Variants in TRIM5 observed in about 807,000 individuals in gnomAD.
TRIM5 encodes the protein tripartite motif-containing protein 5.
TRIM5 carries 31 observed loss-of-function variants against 35.6 expected under a neutral mutation model. The observed-to-expected ratio is 0.87, with a 90% confidence interval of 0.65 to 1.18. TRIM5 has a LOEUF of 1.18. Ranked by LOEUF, TRIM5 falls within the 50% of genes most tolerant of loss-of-function variation. TRIM5 has a pLI of 0.00. For missense variants in TRIM5, 609 were observed against 591.6 expected (o/e 1.03, Z -0.31); for synonymous variants, 243 against 215.6 (o/e 1.13, Z -1.11).
the TRIM5 span, among the ~76,000 whole-genome samples, chr11:5,657,752 A>G: frequency 2.7e-4 from 39 of 141,902 alleles, 2 homozygotes; most frequent in East Asian, 3.5e-3. Context: ...AATAGCTGGG[A>G]CTACAGGCCT....
the TRIM5 span, among the ~76,000 whole-genome samples, chr11:5,651,593 G>C: frequency 2.0e-5 from 3 of 152,264 alleles, no homozygotes; most frequent in East Asian, 3.9e-4. Context: ...GAATGGTGCT[G>C]TGATGAATGT....
the TRIM5 span, among the ~76,000 whole-genome samples, chr11:5,615,639 G>A: frequency 4.0e-5 from 6 of 151,860 alleles, no homozygotes; most frequent in African/African-American, 1.4e-4. Flanking sequence ...TGTCATCCAG[G>A]CTGGAGTGCA....
At chr11:5,666,240 A>G in intron 5 of TRIM5, 159 bp from the exon 6 acceptor site, 1 of 696,334 alleles carries the variant, frequency 1.4e-6, no homozygotes, top group Non-Finnish European at 2.6e-6. Flanking sequence ...GGAGGCAAAC[A>G]AAATGTTCTC....
chr11:5,683,435 A>G (rs1852703780), intron 1 of TRIM5, among the ~76,000 whole-genome samples: 1 of 152,098 alleles, frequency 6.6e-6, no homozygotes, highest in Non-Finnish European at 1.5e-5. Context: ...ACCAATCAGC[A>G]CCCTGTGTCT....
intron 1 of TRIM5, among the ~76,000 whole-genome samples, chr11:5,681,057 G>C (rs1168034536): frequency 6.6e-6 from 1 of 152,186 alleles, no homozygotes; most frequent in Non-Finnish European, 1.5e-5. Flanking sequence ...CTGAAAGTTT[G>C]CCAAGGACAT....
chr11:5,593,710 T>C, the TRIM5 span, among the ~76,000 whole-genome samples: 1 of 152,216 alleles, frequency 6.6e-6, no homozygotes, highest in East Asian at 1.9e-4. Flanking sequence ...GTATTTAATA[T>C]TGAGTATTGT....
At chr11:5,594,457 G>A in the TRIM5 span, among the ~76,000 whole-genome samples, 82 of 152,146 alleles carry the variant, frequency 5.4e-4, 1 homozygote, top group South Asian at 2.7e-3. Context: ...CTACAGGCAC[G>A]TACCGCTATG....
chr11:5,629,592 G>A, the TRIM5 span, among the ~76,000 whole-genome samples: 2 of 152,148 alleles, frequency 1.3e-5, no homozygotes, highest in Non-Finnish European at 2.9e-5. Flanking sequence ...AGCAATAATT[G>A]CAGGTTTGTT....
At chr11:5,590,925 G>T in the TRIM5 span, 1 of 159,914 alleles carries the variant, frequency 6.3e-6, no homozygotes, top group South Asian at 2.0e-4. Context: ...ACAAACTCTG[G>T]ACACGCAGTC....
intron 4 of TRIM5, among the ~76,000 whole-genome samples, chr11:5,671,304 T>TAAA (rs5789423): frequency 2.5e-4 from 35 of 141,796 alleles, no homozygotes; most frequent in South Asian, 8.6e-4. Context: ...TCAGGGGGAT[T>TAAA]AAAAAAAAAA....
At chr11:5,670,953 G>A (rs1412678818) in intron 4 of TRIM5, among the ~76,000 whole-genome samples, 4 of 152,126 alleles carry the variant, frequency 2.6e-5, no homozygotes, top group African/African-American at 9.7e-5. Context: ...TAACAAAAAT[G>A]TATGTTTTGG....
the TRIM5 span, among the ~76,000 whole-genome samples, chr11:5,647,421 C>G: frequency 1.3e-5 from 2 of 152,128 alleles, no homozygotes; most frequent in African/African-American, 4.8e-5. Flanking sequence ...AAGGAAGGAT[C>G]TGTTCTCTTC....
In TRIM5 at chr11:5,678,341, G is replaced by A. The variant is rs767203566; in HGVS notation, c.607C>T (p.Leu203=). The A allele has an allele frequency of 6.2e-7, 1 of 1,613,772 alleles. No homozygotes were observed. Among genetic ancestry groups the A allele is most frequent in the Admixed American group, 1.7e-5 (1 of 59,982 alleles). ...AGAATGTCTTCCTCCTCCTTCTCCA[G>A]GTTTTGCAGCTCATTGCTCTCCTCC... ...DWEESNELQN[L]EKEEEDILKS... is the part of the protein sequence containing the mutation. Residue 203 remains leucine, a synonymous_variant, in exon 4 of 8, where the codon CTG becomes TTG. Transcript: ENST00000380034.
intron 6 of TRIM5, 41 bp downstream of exon 6, chr11:5,665,940 C>A: frequency 6.3e-7 from 1 of 1,576,508 alleles, no homozygotes; most frequent in Admixed American, 1.9e-5. Context: ...CCTAACACCA[C>A]TTGAATTCCA....
chr11:5,645,891 A>ATC, the TRIM5 span: 3 of 169,004 alleles, frequency 1.8e-5, no homozygotes, highest in African/African-American at 8.2e-5. Flanking sequence ...ATATATATAT[A>ATC]TATATCTATA....
chr11:5,627,897 C>T, the TRIM5 span, among the ~76,000 whole-genome samples: 2 of 152,320 alleles, frequency 1.3e-5, no homozygotes, highest in East Asian at 3.9e-4. Context: ...TATCTACCTG[C>T]AGAGAGACTT....
chr11:5,656,196 C>T, the TRIM5 span, among the ~76,000 whole-genome samples: 1 of 152,120 alleles, frequency 6.6e-6, no homozygotes, highest in Non-Finnish European at 1.5e-5. Flanking sequence ...GCAAAAGAAA[C>T]TATCATCAGA....
the TRIM5 span, chr11:5,644,192 T>C: frequency 1.8e-5 from 7 of 399,050 alleles, no homozygotes; most frequent in Non-Finnish European, 3.1e-5. Context: ...GAAGATTTTA[T>C]GTCCAGAGTA....
chr11:5,665,782 G>A, intron 6 of TRIM5, 100 bp from the exon 7 acceptor site: 1 of 1,431,470 alleles, frequency 7.0e-7, no homozygotes, highest in Non-Finnish European at 9.3e-7. Flanking sequence ...ATGCCCTATG[G>A]TAGGGCAGTA....
Sources: allele counts gnomAD v4.1 joint callset (sites outside exome capture counted in the v4.1 genomes callset), GRCh38; gene constraint gnomAD v4.1.1; transcripts MANE v1.5; gene names NCBI Gene and HGNC (gene_info 2026-07-23, HGNC 2026-07-21).